The following GABRB3 variants were observed in gnomAD, a reference collection of about 807,000 sequenced individuals.
GABRB3 encodes the protein gamma-aminobutyric acid receptor subunit beta-3.
Under a neutral mutation model 52.1 loss-of-function variants are expected in GABRB3, and 14 were observed. That is an observed-to-expected ratio of 0.27 (90% confidence interval 0.18 to 0.42). The LOEUF (loss-of-function observed/expected upper bound fraction) is 0.42, where lower values mean the gene tolerates loss of function less well. Among genes scored for constraint, GABRB3 ranks in the 10% least tolerant of loss-of-function variants. GABRB3 has a pLI of 1.00. For missense variants in GABRB3, 307 were observed against 609.1 expected (o/e 0.50, Z 5.22); for synonymous variants, 260 against 232.3 (o/e 1.12, Z -1.08).
intron 3 of GABRB3, among the ~76,000 whole-genome samples, chr15:26,635,391 CTA>C (rs1893031007): frequency 6.6e-6 from 1 of 151,872 alleles, no homozygotes; most frequent in Non-Finnish European, 1.5e-5. Flanking sequence ...GTTAAGAATT[CTA>C]TGTTCTTAAA....
chr15:26,653,656 T>C (rs1887270153), intron 3 of GABRB3, among the ~76,000 whole-genome samples: 2 of 152,212 alleles, frequency 1.3e-5, no homozygotes, highest in African/African-American at 4.8e-5. Context: ...TCTTGATATA[T>C]TGGCTGTATC....
At chr15:26,756,861 T>C (rs930511888) in intron 3 of GABRB3, among the ~76,000 whole-genome samples, 2 of 152,090 alleles carry the variant, frequency 1.3e-5, no homozygotes, top group African/African-American at 4.8e-5. Context: ...CCCCATAAGT[T>C]TGCAGCTCTG....
intron 3 of GABRB3, among the ~76,000 whole-genome samples, chr15:26,742,924 C>CTTT (rs779891729): frequency 0.017 from 820 of 48,804 alleles, 63 homozygotes; most frequent in African/African-American, 0.036. Context: ...ATTAGAGATT[C>CTTT]TTTTTTTTTT....
chr15:26,565,782 G>A (rs1890148382), intron 7 of GABRB3, among the ~76,000 whole-genome samples: 1 of 152,044 alleles, frequency 6.6e-6, no homozygotes, highest in Admixed American at 6.6e-5. Context: ...TGGTTCCTTG[G>A]TACTCATATT....
intron 3 of GABRB3, among the ~76,000 whole-genome samples, chr15:26,651,215 C>A (rs1015012442): frequency 5.3e-5 from 8 of 152,216 alleles, no homozygotes; most frequent in African/African-American, 1.9e-4. Context: ...CACTGCAGGC[C>A]CCACACAGAG....
At chr15:26,744,534 T>A (rs1832400638) in intron 3 of GABRB3, among the ~76,000 whole-genome samples, 1 of 152,140 alleles carries the variant, frequency 6.6e-6, no homozygotes, top group South Asian at 2.1e-4. Context: ...CAAGCAATTC[T>A]CCTGCTTCAG....
intron 3 of GABRB3, among the ~76,000 whole-genome samples, chr15:26,645,304 T>C (rs2140579321): frequency 1.3e-5 from 2 of 152,308 alleles, no homozygotes; most frequent in South Asian, 4.1e-4. Context: ...TCATTTTCTG[T>C]TTGACAGTGA....
chr15:26,560,909 G>A (rs1177069027), intron 8 of GABRB3, 23 bp downstream of exon 8: 2 of 1,612,984 alleles, frequency 1.2e-6, no homozygotes, highest in Non-Finnish European at 1.7e-6. Flanking sequence ...GACCAGGTGG[G>A]GTCAAGGTGG....
intron 3 of GABRB3, among the ~76,000 whole-genome samples, chr15:26,622,245 C>A (rs1892509879): frequency 1.3e-5 from 2 of 152,072 alleles, no homozygotes; most frequent in Admixed American, 1.3e-4. Flanking sequence ...GGCTTGCCCA[C>A]AAAATTACCA....
intron 3 of GABRB3, among the ~76,000 whole-genome samples, chr15:26,686,562 G>A (rs543068338): frequency 1.8e-3 from 269 of 152,320 alleles, no homozygotes; most frequent in Admixed American, 3.0e-3. Flanking sequence ...CATTTTGATG[G>A]TCATACTGTG....
At chr15:26,656,481 C>A (rs1887376992) in intron 3 of GABRB3, among the ~76,000 whole-genome samples, 1 of 152,224 alleles carries the variant, frequency 6.6e-6, no homozygotes, top group Non-Finnish European at 1.5e-5. Flanking sequence ...CTTTGCCTAT[C>A]CTAGAACAGG....
At chr15:26,773,126 G>C (rs989453794), upstream of GABRB3, 81 of 597,084 alleles carry the variant, frequency 1.4e-4, no homozygotes, top group African/African-American at 1.5e-3. Context: ...GGCGCTGGGA[G>C]AGGAAGGAGG....
intron 3 of GABRB3, among the ~76,000 whole-genome samples, chr15:26,649,211 G>A (rs772391024): frequency 3.3e-5 from 5 of 152,152 alleles, no homozygotes; most frequent in African/African-American, 7.2e-5. Context: ...GGACTTTCAA[G>A]GTGATTAGGT....
chr15:26,599,725 A>G (rs1891519365), intron 4 of GABRB3, among the ~76,000 whole-genome samples: 1 of 152,198 alleles, frequency 6.6e-6, no homozygotes, highest in Admixed American at 6.5e-5. Context: ...TCACTGCCAA[A>G]CAGAAAAACA....
chr15:26,725,266 C>T (rs1435604529), intron 3 of GABRB3, among the ~76,000 whole-genome samples: 1 of 152,194 alleles, frequency 6.6e-6, no homozygotes. Flanking sequence ...TACTAAGTAG[C>T]TGTAACTTCA....
intron 3 of GABRB3, among the ~76,000 whole-genome samples, chr15:26,652,329 C>T (rs1808550318): frequency 6.6e-6 from 1 of 152,200 alleles, no homozygotes; most frequent in Non-Finnish European, 1.5e-5. Context: ...TAAAACCAAA[C>T]TGTAACTTAA....
chr15:26,590,129 G>C (rs976338078), intron 4 of GABRB3: 1 of 152,024 alleles, frequency 6.6e-6, no homozygotes, highest in Non-Finnish European at 1.5e-5. Flanking sequence ...ATTCTTACCT[G>C]CAGAATTCAA....
chr15:26,685,775 G>A (rs965654739), intron 3 of GABRB3, among the ~76,000 whole-genome samples: 8 of 151,358 alleles, frequency 5.3e-5, no homozygotes, highest in Middle Eastern at 3.4e-3. Flanking sequence ...AGGAATATTG[G>A]ACTGATCTCA....
rs779195423 is a variant in GABRB3, at chr15:26,580,273, T to C, written c.682+46A>G. 7.4e-6 allele frequency: 12 copies of C among 1,612,848 alleles called. No individual in the cohort carries two copies. In the African/African-American group the frequency reaches 1.3e-4, roughly 18 times the overall value. On this transcript the variant is annotated intron_variant, in intron 6 of 8. Coordinates refer to ENST00000311550, the MANE Select transcript of GABRB3 (RefSeq NM_000814.6). ...CATTTTGTCACTCCAGTCACGCCCA[T>C]GGAGCCAGTGCCCCTGAAGGGACTA...
Sources: gnomAD v4.1 joint callset for allele counts (sites outside exome capture counted in the v4.1 genomes callset) on GRCh38, gnomAD v4.1.1 for gene constraint, MANE v1.5 for transcripts, NCBI Gene and HGNC (gene_info 2026-07-23, HGNC 2026-07-21) for gene names.